The following RBMS3 variants were observed in gnomAD, a reference collection of about 807,000 sequenced individuals.
RBMS3 encodes RNA-binding motif, single-stranded-interacting protein 3.
RBMS3 carries 27 observed loss-of-function variants against 66.8 expected under a neutral mutation model. The ratio of observed to expected loss-of-function variants is 0.40; its 90% CI spans 0.30 to 0.56. The LOEUF (loss-of-function observed/expected upper bound fraction) is 0.56, where lower values mean the gene tolerates loss of function less well. RBMS3 is among the 20% of genes least tolerant of loss of function. RBMS3 has a pLI of 0.40. For missense variants in RBMS3, 513 were observed against 549.5 expected (o/e 0.93, Z 0.66); for synonymous variants, 188 against 183.0 (o/e 1.03, Z -0.22).
intron 4 of RBMS3, among the ~76,000 whole-genome samples, chr3:29,650,243 C>A (rs967919894): frequency 6.8e-6 from 1 of 147,342 alleles, no homozygotes; most frequent in Non-Finnish European, 1.5e-5. Context: ...CCTAGGCAAT[C>A]TTTTAAACCC....
intron 6 of RBMS3, among the ~76,000 whole-genome samples, chr3:29,809,789 G>A (rs1464117820): frequency 1.3e-5 from 2 of 151,958 alleles, no homozygotes; most frequent in Admixed American, 1.3e-4. Flanking sequence ...TGTGAAGGCA[G>A]CAGTTTAGGC....
At chr3:29,360,538 A>G (rs1404670790) in intron 1 of RBMS3, among the ~76,000 whole-genome samples, 9 of 151,920 alleles carry the variant, frequency 5.9e-5, no homozygotes, top group Non-Finnish European at 1.0e-4. Context: ...TTTGGGGTGA[A>G]GAGTTCTGTA....
chr3:30,008,351 G>A lies in RBMS3; in HGVS notation c.*4489G>A. On this transcript the variant is annotated 3_prime_UTR_variant, in exon 15 of 15. Transcript: ENST00000383767. ...AGCTGATAAGCAGAAATTCTCAAGT[G>A]GGTTTCACTAATAAATGTTTTTTTA... is the stretch of plus-strand genomic sequence containing the variant. The A allele has an allele frequency of 6.6e-6, 1 of 151,848 alleles. No homozygotes were observed. Among genetic ancestry groups the A allele is most frequent in the East Asian group, 1.9e-4 (1 of 5,184 alleles). The allele number at this position is 151,848 out of a possible 1,614,324, so 9.4% of individuals were successfully genotyped here.
At chr3:29,342,991 C>T (rs1259159647) in intron 1 of RBMS3, among the ~76,000 whole-genome samples, 2 of 152,002 alleles carry the variant, frequency 1.3e-5, no homozygotes, top group African/African-American at 2.4e-5. Context: ...AAAAGTAGGG[C>T]TATTAGGAAA....
chr3:29,676,047 T>A (rs759633436), intron 4 of RBMS3, among the ~76,000 whole-genome samples: 1 of 152,206 alleles, frequency 6.6e-6, no homozygotes, highest in Non-Finnish European at 1.5e-5. Flanking sequence ...ACTGATAGAC[T>A]GGATTAAGCA....
chr3:29,721,336 A>T (rs1345233996), intron 4 of RBMS3, among the ~76,000 whole-genome samples: 2 of 152,138 alleles, frequency 1.3e-5, no homozygotes, highest in African/African-American at 4.8e-5. Context: ...TATATATGAT[A>T]TATGGTGATG....
chr3:29,525,156 C>T (rs2045043950), intron 3 of RBMS3, among the ~76,000 whole-genome samples: 1 of 152,028 alleles, frequency 6.6e-6, no homozygotes, highest in South Asian at 2.1e-4. Context: ...CATTAACAAA[C>T]ATTTTAAATG....
chr3:29,640,821 G>A (rs1018699078), intron 4 of RBMS3, among the ~76,000 whole-genome samples: 18 of 151,994 alleles, frequency 1.2e-4, no homozygotes, highest in African/African-American at 3.9e-4. Context: ...GATAAACTGA[G>A]TTTGAAGGCT....
intron 2 of RBMS3, among the ~76,000 whole-genome samples, chr3:29,456,299 CAT>C (rs1319619242): frequency 3.9e-5 from 6 of 152,056 alleles, no homozygotes; most frequent in African/African-American, 7.2e-5. Flanking sequence ...AATTTTAAAA[CAT>C]GTGTTTTCCA....
At chr3:29,714,622 C>T (rs1430475394) in intron 4 of RBMS3, among the ~76,000 whole-genome samples, 1 of 152,182 alleles carries the variant, frequency 6.6e-6, no homozygotes, top group African/African-American at 2.4e-5. Context: ...ATTTAGCTGT[C>T]ATCTTCCTGG....
intron 4 of RBMS3, among the ~76,000 whole-genome samples, chr3:29,675,710 A>T (rs2051218636): frequency 6.6e-6 from 1 of 152,244 alleles, no homozygotes; most frequent in Admixed American, 6.5e-5. Context: ...GAGAAATGCG[A>T]ATCAAAACCA....
intron 3 of RBMS3, among the ~76,000 whole-genome samples, chr3:29,540,185 G>A (rs751971244): frequency 6.6e-6 from 1 of 152,014 alleles, no homozygotes; most frequent in Non-Finnish European, 1.5e-5. Flanking sequence ...CACATAAAGG[G>A]GATATTTTTA....
At chr3:29,828,993 T>A (rs1280822762) in intron 6 of RBMS3, among the ~76,000 whole-genome samples, 6 of 54,456 alleles carry the variant, frequency 1.1e-4, no homozygotes, top group African/African-American at 3.7e-4. Context: ...TTTCTTTCTT[T>A]CTTTCTTTCT....
intron 11 of RBMS3, among the ~76,000 whole-genome samples, chr3:29,938,838 G>T (rs996918000): frequency 6.6e-6 from 1 of 151,936 alleles, no homozygotes; most frequent in Non-Finnish European, 1.5e-5. Context: ...GTTTAGGCAG[G>T]TTACTTAACC....
At chr3:29,531,801 T>C (rs1455120480) in intron 3 of RBMS3, among the ~76,000 whole-genome samples, 1 of 152,170 alleles carries the variant, frequency 6.6e-6, no homozygotes, top group Non-Finnish European at 1.5e-5. Flanking sequence ...GACATAAACT[T>C]CAGGAACAAA....
intron 3 of RBMS3, among the ~76,000 whole-genome samples, chr3:29,516,447 T>C (rs887604658): frequency 5.3e-5 from 8 of 151,978 alleles, no homozygotes; most frequent in African/African-American, 1.9e-4. Flanking sequence ...TTTTTTTTGT[T>C]TGTTTTTGTT....
chr3:29,419,320 A>G (rs1387476739), intron 1 of RBMS3, among the ~76,000 whole-genome samples: 1 of 152,188 alleles, frequency 6.6e-6, no homozygotes, highest in Non-Finnish European at 1.5e-5. Context: ...TTGTCACTGG[A>G]TATATTTTAA....
intron 4 of RBMS3, among the ~76,000 whole-genome samples, chr3:29,637,965 A>G (rs1252988092): frequency 2.6e-5 from 4 of 151,862 alleles, no homozygotes; most frequent in Non-Finnish European, 4.4e-5. Context: ...CCAAAACCAA[A>G]ATCTATTCAT....
chr3:29,452,426 C>G (rs376783997), intron 2 of RBMS3, among the ~76,000 whole-genome samples: 2 of 152,198 alleles, frequency 1.3e-5, no homozygotes, highest in African/African-American at 2.4e-5. Flanking sequence ...ACTCTGTGAT[C>G]TAGAATCAAC....
Sources: allele counts gnomAD v4.1 joint callset (sites outside exome capture counted in the v4.1 genomes callset), GRCh38; gene constraint gnomAD v4.1.1; transcripts MANE v1.5; gene names NCBI Gene and HGNC (gene_info 2026-07-23, HGNC 2026-07-21).